The following KCNK13 variants were observed in gnomAD, a reference collection of about 807,000 sequenced individuals.
KCNK13 encodes the protein potassium two pore domain channel subfamily K member 13.
KCNK13 carries 12 observed loss-of-function variants against 23.4 expected under a neutral mutation model. That is an observed-to-expected ratio of 0.51 (90% CI 0.33 to 0.83). The LOEUF is 0.83. Ranked by LOEUF, KCNK13 falls within the 40% of genes least tolerant of loss-of-function variation. The pLI, the probability that KCNK13 is intolerant of heterozygous loss-of-function variation, is 0.02. For synonymous variants in KCNK13, 231 were observed against 229.5 expected (o/e 1.01, Z -0.06); for missense variants, 463 against 556.3 (o/e 0.83, Z 1.69).
intron 1 of KCNK13, among the ~76,000 whole-genome samples, chr14:90,152,606 T>G (rs1005203594): frequency 6.6e-6 from 1 of 152,200 alleles, no homozygotes; most frequent in African/African-American, 2.4e-5. Context: ...TCTCCAGCCA[T>G]GTGGAACTGT....
At chr14:90,146,323 C>A (rs1890072753) in intron 1 of KCNK13, among the ~76,000 whole-genome samples, 1 of 151,936 alleles carries the variant, frequency 6.6e-6, no homozygotes, top group Admixed American at 6.6e-5. Flanking sequence ...TGTGGAATAT[C>A]TTTTTTAGTG....
Position 90,184,520 on chromosome 14 carries a change from C to T in KCNK13, c.744C>T (p.Asn248=), listed in dbSNP as rs574638305. The T allele has an allele frequency of 1.6e-4, 251 of 1,614,144 alleles. 3 individuals are homozygous for T. Among genetic ancestry groups the T allele is most frequent in the Middle Eastern group, 1.2e-3 (7 of 6,084 alleles). ...IGFGDLVSSQ[N]AHYESQGLYR... ...TTGGGGACCTGGTCAGCAGCCAGAA[C>T]GCCCACTATGAGAGCCAAGGCCTCT... is the stretch of plus-strand genomic sequence containing the variant. Residue 248 remains asparagine, a synonymous_variant, in exon 2 of 2, where the codon AAC becomes AAT. Transcript: ENST00000282146. The surrounding 1 kb of genome is among the most constrained non-coding windows in gnomAD (Gnocchi z 5.6).
chr14:90,068,357 G>T (rs1482503196), intron 1 of KCNK13, among the ~76,000 whole-genome samples: 3 of 152,178 alleles, frequency 2.0e-5, no homozygotes, highest in Non-Finnish European at 4.4e-5. Flanking sequence ...CACTTTGGGA[G>T]GGGGAGGTGG....
chr14:90,179,725 A>G (rs1251405547), intron 1 of KCNK13, among the ~76,000 whole-genome samples: 1 of 152,214 alleles, frequency 6.6e-6, no homozygotes, highest in Admixed American at 6.5e-5. Context: ...ACGTATTGAA[A>G]GGTACCACCT....
rs180974780 is a variant in KCNK13, at chr14:90,150,015, G to A, written c.335-34096G>A. On this transcript the variant is annotated intron_variant, in intron 1 of 1. Coordinates refer to ENST00000282146, the MANE Select transcript of KCNK13 (RefSeq NM_022054.4). Reference sequence around the variant, plus strand: ...AGTGAACCAGCAATTACAGTACAGAGCTATGGCTACCAGAGGGGTGTGTAC... The same window carrying A: ...AGTGAACCAGCAATTACAGTACAGAACTATGGCTACCAGAGGGGTGTGTAC... Among the ~76,000 whole-genome samples, 8 of 150,474 alleles carry A rather than the reference G, an allele frequency of 5.3e-5. No individual in the cohort carries two copies. The East Asian group carries it at 1.6e-3, about 30-fold the overall frequency.
intron 1 of KCNK13, among the ~76,000 whole-genome samples, chr14:90,116,779 G>A (rs994600330): frequency 6.6e-6 from 1 of 152,138 alleles, no homozygotes; most frequent in African/African-American, 2.4e-5. Flanking sequence ...GTCTTACAAG[G>A]GGTTGCAAGC....
chr14:90,073,684 T>A (rs556415128), intron 1 of KCNK13, among the ~76,000 whole-genome samples: 2 of 152,266 alleles, frequency 1.3e-5, no homozygotes, highest in Middle Eastern at 3.4e-3. Flanking sequence ...TTTTTGTTTT[T>A]TCTGGAGACA....
At chr14:90,115,046 T>C (rs1352164038) in intron 1 of KCNK13, among the ~76,000 whole-genome samples, 1 of 152,198 alleles carries the variant, frequency 6.6e-6, no homozygotes, top group African/African-American at 2.4e-5. Flanking sequence ...AAATCACTTC[T>C]ACCAACCCAA....
intron 1 of KCNK13, among the ~76,000 whole-genome samples, chr14:90,110,933 C>T (rs1889609014): frequency 6.6e-6 from 1 of 151,440 alleles, no homozygotes; most frequent in Non-Finnish European, 1.5e-5. Flanking sequence ...TGCTTGAACT[C>T]GGGAGGCAGA....
chr14:90,162,516 A>G (rs1386165743), intron 1 of KCNK13, among the ~76,000 whole-genome samples: 1 of 152,236 alleles, frequency 6.6e-6, no homozygotes, highest in Non-Finnish European at 1.5e-5. Context: ...TGGGTAAAGT[A>G]TAAACAGAAT....
At chr14:90,094,451 T>C (rs1334760301) in intron 1 of KCNK13, among the ~76,000 whole-genome samples, 1 of 152,008 alleles carries the variant, frequency 6.6e-6, no homozygotes, top group Non-Finnish European at 1.5e-5. Context: ...GAGTATGGAG[T>C]ACTTGCTTAA....
chr14:90,159,830 T>TC (rs1890232706), intron 1 of KCNK13, among the ~76,000 whole-genome samples: 1 of 152,072 alleles, frequency 6.6e-6, no homozygotes. Flanking sequence ...GGGTTTAAAT[T>TC]CCCCCTGTAT....
At chr14:90,160,507 G>C (rs1292125182) in intron 1 of KCNK13, among the ~76,000 whole-genome samples, 1 of 152,014 alleles carries the variant, frequency 6.6e-6, no homozygotes, top group Middle Eastern at 3.2e-3. Context: ...CTTATATTTT[G>C]GGTGATTTTT....
At chr14:90,145,454 A>T (rs928644782) in intron 1 of KCNK13, among the ~76,000 whole-genome samples, 1 of 152,174 alleles carries the variant, frequency 6.6e-6, no homozygotes, top group Non-Finnish European at 1.5e-5. Context: ...CTTAATTATG[A>T]TGTATTATCA....
chr14:90,136,681 G>C (rs1889940462), intron 1 of KCNK13, among the ~76,000 whole-genome samples: 1 of 152,160 alleles, frequency 6.6e-6, no homozygotes, highest in African/African-American at 2.4e-5. Context: ...TTGAGAGCAA[G>C]GAGTCCTTCA....
chr14:90,103,597 C>T (rs531343447), intron 1 of KCNK13, among the ~76,000 whole-genome samples: 49 of 152,258 alleles, frequency 3.2e-4, no homozygotes, highest in Non-Finnish European at 5.7e-4. Flanking sequence ...GACGGAGTTT[C>T]GCTCTTGTCA....
rs369692652 is a variant in KCNK13 at position 90,072,496 on chromosome 14, G to A, written c.334+9957G>A. On this transcript the variant is annotated intron_variant, in intron 1 of 1. Transcript: ENST00000282146. ...TGATGGGTGGAGTCCCCCAGTTGAA[G>A]GTTTGATGATCATGAGCTCTGGGCT... Among the ~76,000 whole-genome samples, 5 of 152,294 alleles carry A rather than the reference G, an allele frequency of 3.3e-5. No homozygotes were observed. The East Asian group carries it at 9.7e-4, about 29-fold the overall frequency.
rs188775002 is a variant in KCNK13, at chr14:90,094,369, G to A, written c.334+31830G>A. 2.0e-4 allele frequency among the ~76,000 whole-genome samples: 31 copies of A among 152,300 alleles called. No homozygotes were observed. In the East Asian group the frequency reaches 5.8e-3, roughly 28 times the overall value. ...TTTGCTCAATTGAATTTTCACCAGT[G>A]AGGCAAATACGAAGGGCTTGGTTTT... On this transcript the variant is annotated intron_variant, in intron 1 of 1. Coordinates refer to ENST00000282146, the MANE Select transcript of KCNK13 (RefSeq NM_022054.4).
intron 1 of KCNK13, among the ~76,000 whole-genome samples, chr14:90,159,555 T>C (rs1229425100): frequency 6.6e-6 from 1 of 152,182 alleles, no homozygotes; most frequent in East Asian, 1.9e-4. Context: ...AGGTGTACAA[T>C]GGAAGACCCA....
Sources: allele counts gnomAD v4.1 joint callset (sites outside exome capture counted in the v4.1 genomes callset), GRCh38; gene constraint gnomAD v4.1.1; non-coding constraint Gnocchi (gnomAD v3.1); transcripts MANE v1.5; gene names NCBI Gene and HGNC (gene_info 2026-07-23, HGNC 2026-07-21).